UNC5C: variants seen among roughly 807,000 people sequenced by gnomAD.
UNC5C encodes netrin receptor UNC5C.
Under a neutral mutation model 99.8 loss-of-function variants are expected in UNC5C, and 47 were observed. The ratio of observed to expected loss-of-function variants is 0.47; its 90% CI spans 0.37 to 0.60. The LOEUF (loss-of-function observed/expected upper bound fraction) is 0.60, where lower values mean the gene tolerates loss of function less well. UNC5C is among the 20% of genes least tolerant of loss of function. The pLI is 0.00. For synonymous variants in UNC5C, 487 were observed against 452.2 expected (o/e 1.08, Z -0.98); for missense variants, 1,062 against 1,165.9 (o/e 0.91, Z 1.30).
rs1353948072 is a variant in UNC5C, at chr4:95,164,495, A to C, written c.*4739T>G. On this transcript the variant is annotated 3_prime_UTR_variant, in exon 16 of 16. Transcript: ENST00000453304. ...GTCAATACTAGCTCAGCAAGGTTAA[A>C]GAATATATAAAAATAATACAAAAAG... The C allele has an allele frequency of 3.3e-5, 5 of 152,136 alleles. No homozygotes were observed. The highest frequency in any genetic ancestry group is 2.0e-4 in the Admixed American group (3 of 15,288). 9.4% of individuals were successfully genotyped at this position (152,136 alleles called of 1,614,324 possible). A position where few individuals can be genotyped will look rare whatever the true frequency, so the allele number is the denominator to read the frequency against.
chr4:95,317,193 G>C (rs1742508034), intron 2 of UNC5C, among the ~76,000 whole-genome samples: 1 of 152,124 alleles, frequency 6.6e-6, no homozygotes, highest in Non-Finnish European at 1.5e-5. Flanking sequence ...ATGTCTCCCA[G>C]TGCCCAGCTT....
At chr4:95,220,375 C>G (rs1738427744) in intron 7 of UNC5C, among the ~76,000 whole-genome samples, 199 bp from the exon 8 acceptor site, 1 of 152,160 alleles carries the variant, frequency 6.6e-6, no homozygotes, top group Non-Finnish European at 1.5e-5. Context: ...CACTCTGCAT[C>G]TATCCACCCA....
chr4:95,382,458 CAAA>C (rs11324926), intron 1 of UNC5C, among the ~76,000 whole-genome samples: 25 of 135,900 alleles, frequency 1.8e-4, no homozygotes, highest in Non-Finnish European at 2.2e-4. Context: ...GACCGTCTGT[CAAA>C]AAAAAAAAAA....
chr4:95,188,246 G>T (rs534747823), intron 12 of UNC5C, among the ~76,000 whole-genome samples: 30 of 152,232 alleles, frequency 2.0e-4, no homozygotes, highest in African/African-American at 7.2e-4. Context: ...GAAGGATTCA[G>T]TAACCTTACC....
At chr4:95,432,385 T>C (rs1298424440) in intron 1 of UNC5C, among the ~76,000 whole-genome samples, 5 of 152,152 alleles carry the variant, frequency 3.3e-5, no homozygotes, top group African/African-American at 1.2e-4. Flanking sequence ...AGACATATTT[T>C]ATTTTTTAAA....
intron 3 of UNC5C, among the ~76,000 whole-genome samples, chr4:95,284,207 T>C (rs1741155213): frequency 6.6e-6 from 1 of 152,176 alleles, no homozygotes; most frequent in African/African-American, 2.4e-5. Flanking sequence ...AAACATTAGC[T>C]CTGCTTTTTG....
At chr4:95,397,655 AC>A (rs1375890469) in intron 1 of UNC5C, among the ~76,000 whole-genome samples, 1 of 152,210 alleles carries the variant, frequency 6.6e-6, no homozygotes, top group African/African-American at 2.4e-5. Flanking sequence ...TATTTGTGTC[AC>A]TCAATACATA....
intron 1 of UNC5C, among the ~76,000 whole-genome samples, chr4:95,393,634 G>T (rs1745422007): frequency 1.3e-5 from 2 of 151,860 alleles, no homozygotes; most frequent in African/African-American, 4.8e-5. Context: ...TATTTCTATG[G>T]TCCAATTATC....
intron 14 of UNC5C, among the ~76,000 whole-genome samples, chr4:95,176,827 G>C (rs1024878802): frequency 1.3e-5 from 2 of 152,222 alleles, no homozygotes; most frequent in Non-Finnish European, 2.9e-5. Context: ...AATGGCGGGG[G>C]CCCCTCCCCC....
intron 1 of UNC5C, among the ~76,000 whole-genome samples, chr4:95,379,303 C>A (rs1744991214): frequency 6.6e-6 from 1 of 152,200 alleles, no homozygotes; most frequent in African/African-American, 2.4e-5. Context: ...GTCACAGATG[C>A]ATGCTGTGCA....
intron 1 of UNC5C, among the ~76,000 whole-genome samples, chr4:95,509,677 C>G (rs1327697890): frequency 2.6e-5 from 4 of 151,670 alleles, no homozygotes; most frequent in Non-Finnish European, 4.4e-5. Flanking sequence ...GAGAAAAATA[C>G]ATTTCGTGAA....
intron 1 of UNC5C, among the ~76,000 whole-genome samples, chr4:95,518,677 G>A (rs1722275748): frequency 2.0e-5 from 3 of 152,090 alleles, no homozygotes; most frequent in Non-Finnish European, 4.4e-5. Flanking sequence ...TTATCTTTAA[G>A]ATACATGTTT....
At chr4:95,380,997 A>G (rs1221782272) in intron 1 of UNC5C, among the ~76,000 whole-genome samples, 1 of 152,222 alleles carries the variant, frequency 6.6e-6, no homozygotes, top group African/African-American at 2.4e-5. Context: ...TTTATATTAA[A>G]GATGATTTTA....
At chr4:95,275,999 TGCTTA>T (rs1396692760) in intron 4 of UNC5C, among the ~76,000 whole-genome samples, 1 of 152,232 alleles carries the variant, frequency 6.6e-6, no homozygotes, top group Non-Finnish European at 1.5e-5. Context: ...CCTATTTTTA[TGCTTA>T]AAGATTCTTT....
intron 1 of UNC5C, among the ~76,000 whole-genome samples, chr4:95,338,957 A>T (rs1169047126): frequency 6.6e-6 from 1 of 152,094 alleles, no homozygotes; most frequent in Non-Finnish European, 1.5e-5. Context: ...ACATTAAACC[A>T]AACACTGGTC....
intron 12 of UNC5C, among the ~76,000 whole-genome samples, chr4:95,198,925 T>C (rs1213669884): frequency 6.6e-6 from 1 of 152,170 alleles, no homozygotes; most frequent in Non-Finnish European, 1.5e-5. Context: ...CTCTTAACTT[T>C]GGTGGCACAA....
At position 95,347,762 on chromosome 4, in the gene UNC5C, A is replaced by G. The variant is rs142307938; in HGVS notation, c.125-12131T>C. On this transcript the variant is annotated intron_variant, in intron 1 of 15. Coordinates refer to ENST00000453304, the MANE Select transcript of UNC5C (RefSeq NM_003728.4). ...CACCATATACAGAAATTGAATAAAA[A>G]ATGGAGTAAAGAATTGAATCTAAGA... Among the ~76,000 whole-genome samples the G allele has an allele frequency of 3.3e-3, 509 of 152,208 alleles. 4 individuals carry two copies. Among genetic ancestry groups the G allele is most frequent in the African/African-American group, 0.012 (484 of 41,550 alleles).
chr4:95,262,142 G>A (rs1740261427), intron 4 of UNC5C, among the ~76,000 whole-genome samples: 1 of 152,182 alleles, frequency 6.6e-6, no homozygotes, highest in African/African-American at 2.4e-5. Context: ...GGGAATAATT[G>A]GGAATATTAG....
At chr4:95,432,841 TG>T (rs1284162210) in intron 1 of UNC5C, among the ~76,000 whole-genome samples, 1 of 152,092 alleles carries the variant, frequency 6.6e-6, no homozygotes, top group African/African-American at 2.4e-5. Flanking sequence ...ATGCTCATAG[TG>T]GGTAGCAACT....
Sources: allele counts gnomAD v4.1 joint callset (sites outside exome capture counted in the v4.1 genomes callset), GRCh38; gene constraint gnomAD v4.1.1; transcripts MANE v1.5; gene names NCBI Gene and HGNC (gene_info 2026-07-23, HGNC 2026-07-21).